The following SEMA5A variants were observed in gnomAD, a reference collection of about 807,000 sequenced individuals.
SEMA5A encodes the protein semaphorin-5A.
SEMA5A carries 55 observed loss-of-function variants against 135.5 expected under a neutral mutation model. The observed-to-expected ratio is 0.41, with a 90% CI of 0.33 to 0.51. SEMA5A has a LOEUF of 0.51. Among genes scored for constraint, SEMA5A ranks in the 20% least tolerant of loss-of-function variants. SEMA5A has a pLI of 0.37. For missense variants in SEMA5A, 1,290 were observed against 1,419.9 expected (o/e 0.91, Z 1.47); for synonymous variants, 580 against 546.5 (o/e 1.06, Z -0.85).
intron 5 of SEMA5A, among the ~76,000 whole-genome samples, chr5:9,278,237 T>G (rs1447260690): frequency 6.6e-6 from 1 of 152,178 alleles, no homozygotes; most frequent in African/African-American, 2.4e-5. Context: ...ATTTTGTTCC[T>G]GCCCTAGAGA....
At chr5:9,481,722 C>T (rs751339247) in intron 1 of SEMA5A, among the ~76,000 whole-genome samples, 2 of 152,098 alleles carry the variant, frequency 1.3e-5, no homozygotes, top group African/African-American at 2.4e-5. Flanking sequence ...TTACAGGTGG[C>T]GGCAAGCTGT....
chr5:9,451,488 C>T (rs1163275450), intron 1 of SEMA5A, among the ~76,000 whole-genome samples: 1 of 152,126 alleles, frequency 6.6e-6, no homozygotes, highest in African/African-American at 2.4e-5. Flanking sequence ...TAAGTCATGC[C>T]ACTTTCCTAA....
intron 2 of SEMA5A, among the ~76,000 whole-genome samples, chr5:9,391,432 C>T (rs192846412): frequency 9.9e-5 from 15 of 152,262 alleles, no homozygotes; most frequent in African/African-American, 2.9e-4. Flanking sequence ...CTTCATCTGC[C>T]TCTTCATCTC....
intron 16 of SEMA5A, among the ~76,000 whole-genome samples, chr5:9,087,961 A>C (rs1479674187): frequency 1.3e-5 from 2 of 152,222 alleles, no homozygotes; most frequent in Admixed American, 1.3e-4. Flanking sequence ...TAATTCAATA[A>C]GGTGTTTCAT....
chr5:9,320,350 G>GGTTA (rs1752574246), intron 4 of SEMA5A, among the ~76,000 whole-genome samples: 1 of 152,170 alleles, frequency 6.6e-6, no homozygotes, highest in African/African-American at 2.4e-5. Flanking sequence ...GGATACCTCT[G>GGTTA]AGGGGAGGGA....
chr5:9,245,591 G>A (rs1579701114), intron 5 of SEMA5A, among the ~76,000 whole-genome samples: 1 of 152,090 alleles, frequency 6.6e-6, no homozygotes, highest in East Asian at 1.9e-4. Context: ...TAAATTGGCA[G>A]TACAAATTGA....
At chr5:9,349,628 G>T (rs916252603) in intron 3 of SEMA5A, among the ~76,000 whole-genome samples, 1 of 152,108 alleles carries the variant, frequency 6.6e-6, no homozygotes, top group African/African-American at 2.4e-5. Context: ...GGTTGGGCAC[G>T]GTGGCTCACG....
chr5:9,093,414 A>G (rs1739141640), intron 16 of SEMA5A, among the ~76,000 whole-genome samples: 1 of 152,214 alleles, frequency 6.6e-6, no homozygotes, highest in Non-Finnish European at 1.5e-5. Context: ...ACAGCAAGCT[A>G]AAAGAACTGA....
chr5:9,290,662 T>C (rs925939632), intron 5 of SEMA5A, among the ~76,000 whole-genome samples: 1 of 152,152 alleles, frequency 6.6e-6, no homozygotes, highest in Admixed American at 6.5e-5. Flanking sequence ...TACATAGAGA[T>C]GATAGCGCTA....
At chr5:9,211,432 C>G (rs1459816183) in intron 8 of SEMA5A, among the ~76,000 whole-genome samples, 1 of 152,166 alleles carries the variant, frequency 6.6e-6, no homozygotes, top group Non-Finnish European at 1.5e-5. Context: ...GCTTCCATTT[C>G]TGAATTTCCA....
Position 9,307,487 on chromosome 5 carries a change from C to CT in SEMA5A, c.270+10884dup, listed in dbSNP as rs552062653. On this transcript the variant is annotated intron_variant, in intron 5 of 22. Transcript: ENST00000382496. ...TCCAGAGAGTGGTCAGCCAATGTGA[C>CT]TTTTTTTTTTTTCATTTATGTTTCT... Among the ~76,000 whole-genome samples the CT allele has an allele frequency of 8.4e-3, 1,218 of 144,844 alleles. 8 individuals are homozygous for CT. Among genetic ancestry groups the CT allele is most frequent in the African/African-American group, 0.027 (1,075 of 39,864 alleles).
At chr5:9,188,028 C>T (rs923008556) in intron 11 of SEMA5A, among the ~76,000 whole-genome samples, 1 of 152,080 alleles carries the variant, frequency 6.6e-6, no homozygotes, top group African/African-American at 2.4e-5. Context: ...TGTTTGTGTC[C>T]CCCCAGGATT....
intron 5 of SEMA5A, among the ~76,000 whole-genome samples, chr5:9,296,488 G>A (rs1751339828): frequency 6.6e-6 from 1 of 152,082 alleles, no homozygotes; most frequent in Non-Finnish European, 1.5e-5. Flanking sequence ...TATGTAAATA[G>A]AAAAGTCTCT....
At chr5:9,168,975 CA>C (rs1743763674) in intron 11 of SEMA5A, among the ~76,000 whole-genome samples, 1 of 152,138 alleles carries the variant, frequency 6.6e-6, no homozygotes, top group Admixed American at 6.5e-5. Context: ...AATGACATCA[CA>C]AGACTCAGAC....
chr5:9,254,721 G>A (rs1039773096), intron 5 of SEMA5A, among the ~76,000 whole-genome samples: 2 of 151,990 alleles, frequency 1.3e-5, no homozygotes, highest in Non-Finnish European at 2.9e-5. Context: ...GAGGAATGGA[G>A]GACACAGAGC....
chr5:9,157,146 C>T (rs1185105687), intron 11 of SEMA5A, among the ~76,000 whole-genome samples: 2 of 151,154 alleles, frequency 1.3e-5, no homozygotes, highest in African/African-American at 4.8e-5. Flanking sequence ...TCCACAGTTC[C>T]CCCTTCCCTC....
At position 9,062,963 on chromosome 5, in the gene SEMA5A, G is replaced by A. The variant is rs769162684; in HGVS notation, c.2442C>T (p.Pro814=). The A allele has an allele frequency of 3.7e-6, 6 of 1,614,050 alleles. No individual in the cohort carries two copies. Among genetic ancestry groups the A allele is most frequent in the East Asian group, 4.5e-5 (2 of 44,894 alleles). ...AAGGCATTCCCCCATACTTGGGTTCGGGGTTGTTGCAAACACGCTTCCGGT... is the reference window on the plus strand; with the variant it reads ...AAGGCATTCCCCCATACTTGGGTTCAGGGTTGTTGCAAACACGCTTCCGGT... ...IRNRKRVCNN[P]EPKYGGMPCL... The change falls in exon 18 of 23, where the codon CCC becomes CCT. Residue 814 remains proline, a synonymous_variant. Coordinates refer to ENST00000382496, the MANE Select transcript of SEMA5A (RefSeq NM_003966.3).
At chr5:9,485,341 C>A (rs1734642813) in intron 1 of SEMA5A, among the ~76,000 whole-genome samples, 1 of 151,862 alleles carries the variant, frequency 6.6e-6, no homozygotes, top group Admixed American at 6.6e-5. Context: ...GGGTCAGAAA[C>A]CTTGAGAAAT....
intron 1 of SEMA5A, among the ~76,000 whole-genome samples, chr5:9,491,267 CAG>C (rs755113951): frequency 2.1e-4 from 32 of 152,144 alleles, no homozygotes; most frequent in Non-Finnish European, 3.8e-4. Flanking sequence ...CAGGAGAGCA[CAG>C]GGGATTTTCG....
Sources: allele counts gnomAD v4.1 joint callset (sites outside exome capture counted in the v4.1 genomes callset), GRCh38; gene constraint gnomAD v4.1.1; transcripts MANE v1.5; gene names NCBI Gene and HGNC (gene_info 2026-07-23, HGNC 2026-07-21).